The following ADAMTS6 variants were observed in gnomAD, a reference collection of about 807,000 sequenced individuals.
ADAMTS6 encodes the protein ADAM metallopeptidase with thrombospondin type 1 motif 6.
In ADAMTS6, 23 loss-of-function variants were observed where a neutral mutation model predicts 144.3. The observed-to-expected ratio is 0.16, with a 90% CI of 0.11 to 0.23. ADAMTS6 has a LOEUF of 0.23. Among genes scored for constraint, ADAMTS6 ranks in the 10% least tolerant of loss-of-function variants. ADAMTS6 has a pLI of 1.00. For synonymous variants in ADAMTS6, 444 were observed against 457.5 expected (o/e 0.97, Z 0.38); for missense variants, 999 against 1,379.6 (o/e 0.72, Z 4.37).
chr5:65,287,552 T>C (rs996733991), intron 11 of ADAMTS6, among the ~76,000 whole-genome samples: 1 of 152,158 alleles, frequency 6.6e-6, no homozygotes, highest in Non-Finnish European at 1.5e-5. Flanking sequence ...TTTTTTGAGA[T>C]GGAGTTTTGC....
chr5:65,340,523 T>A (rs1747720039), intron 7 of ADAMTS6, among the ~76,000 whole-genome samples: 1 of 151,394 alleles, frequency 6.6e-6, no homozygotes. Context: ...ATGGTAAAAG[T>A]AAACAATAAG....
intron 2 of ADAMTS6, among the ~76,000 whole-genome samples, chr5:65,471,418 C>T (rs999710099): frequency 6.6e-6 from 1 of 151,852 alleles, no homozygotes; most frequent in African/African-American, 2.4e-5. Context: ...CTAAATTCTA[C>T]AAGAAATATT....
At position 65,231,444 on chromosome 5, in the gene ADAMTS6, TA is replaced by T. The variant is rs376803377; in HGVS notation, c.1934-5226del. Reference sequence around the variant, plus strand: ...GCAATTCAATAGGAAGATACTTCAGTAGTCTACTTTCAACAATGGATAGATC... The same window carrying T: ...GCAATTCAATAGGAAGATACTTCAGTGTCTACTTTCAACAATGGATAGATC... On this transcript the variant is annotated intron_variant, in intron 15 of 24. Coordinates refer to ENST00000381055, the MANE Select transcript of ADAMTS6 (RefSeq NM_197941.4). Among the ~76,000 whole-genome samples, 291 of 152,268 alleles carry T rather than the reference TA, an allele frequency of 1.9e-3. 2 individuals are homozygous for T. The highest frequency in any genetic ancestry group is 6.7e-3 in the African/African-American group (277 of 41,570).
At position 65,298,250 on chromosome 5, in the gene ADAMTS6, T is replaced by C. The variant is rs180904483; in HGVS notation, c.1370+1735A>G. Among the ~76,000 whole-genome samples the C allele has an allele frequency of 3.3e-5, 5 of 152,024 alleles. No individual in the cohort carries two copies. The East Asian group carries it at 5.8e-4, about 18-fold the overall frequency. On this transcript the variant is annotated intron_variant, in intron 10 of 24. Transcript: ENST00000381055. ...GTACTAGCAAATGAGCTGTGCAATA[T>C]AGCCAATGGGACAGACACAAGATAA...
chr5:65,225,949 A>T (rs1757688359), intron 16 of ADAMTS6, 137 bp downstream of exon 16: 4 of 892,854 alleles, frequency 4.5e-6, no homozygotes, highest in Non-Finnish European at 6.3e-6. Flanking sequence ...ATATTTTATT[A>T]CTCTTAATGG....
chr5:65,412,310 C>G (rs1053576228), intron 7 of ADAMTS6, among the ~76,000 whole-genome samples: 3 of 152,036 alleles, frequency 2.0e-5, no homozygotes, highest in Admixed American at 1.3e-4. Flanking sequence ...CAAAGTCTCA[C>G]CTGTTCATAG....
chr5:65,214,656 C>G lies in ADAMTS6; in HGVS notation c.2575+138G>C. The G allele has an allele frequency of 8.0e-7, 1 of 1,245,034 alleles. No homozygotes were observed. The highest frequency in any genetic ancestry group is 1.3e-5 in the South Asian group (1 of 78,444). 77.1% of individuals were successfully genotyped at this position (1,245,034 alleles called of 1,614,324 possible). Reference sequence around the variant, plus strand: ...ATATAATATAATTAAAGCAAAGTTTCTTTTGCTAAATTACAGCTTGAAGCA... The same window carrying G: ...ATATAATATAATTAAAGCAAAGTTTGTTTTGCTAAATTACAGCTTGAAGCA... On this transcript the variant is annotated intron_variant, in intron 20 of 24. Transcript: ENST00000381055. This position sits in a 1 kb window ranked among gnomAD's most constrained non-coding sequence, Gnocchi z 4.6.
chr5:65,280,719 C>A (rs1361386445), intron 11 of ADAMTS6, among the ~76,000 whole-genome samples: 1 of 152,080 alleles, frequency 6.6e-6, no homozygotes, highest in East Asian at 1.9e-4. Flanking sequence ...TTTTATCTAG[C>A]ATTCTTGTTT....
At chr5:65,440,441 G>A (rs1457334720) in intron 7 of ADAMTS6, among the ~76,000 whole-genome samples, 2 of 152,098 alleles carry the variant, frequency 1.3e-5, no homozygotes, top group African/African-American at 2.4e-5. Flanking sequence ...GAAACAGAGT[G>A]GGGAAAACAA....
At chr5:65,345,580 A>G (rs1450611011) in intron 7 of ADAMTS6, among the ~76,000 whole-genome samples, 2 of 151,888 alleles carry the variant, frequency 1.3e-5, no homozygotes, top group Non-Finnish European at 3.0e-5. Context: ...AGACTGACAT[A>G]ATCTCTCAAC....
chr5:65,154,648 T>G (rs1752313030), intron 24 of ADAMTS6, among the ~76,000 whole-genome samples: 1 of 152,184 alleles, frequency 6.6e-6, no homozygotes, highest in South Asian at 2.1e-4. Context: ...TCTCAGATAC[T>G]TCATCTCCAA....
rs530237346 is a variant in ADAMTS6 at position 65,449,398 on chromosome 5, C to T, written c.1073+2077G>A. ...TTGGGAGGCCGAGGTGGGCGGATCA[C>T]GAGGTCAGGAGATGGAGACCATCCT... On this transcript the variant is annotated intron_variant, in intron 7 of 24. Coordinates refer to ENST00000381055, the MANE Select transcript of ADAMTS6 (RefSeq NM_197941.4). Among the ~76,000 whole-genome samples the T allele has an allele frequency of 5.9e-5, 9 of 152,150 alleles. No individual in the cohort carries two copies. In the South Asian group the frequency reaches 1.0e-3, roughly 18 times the overall value.
At chr5:65,293,294 T>A (rs1742500768) in intron 10 of ADAMTS6, among the ~76,000 whole-genome samples, 1 of 151,478 alleles carries the variant, frequency 6.6e-6, no homozygotes, top group African/African-American at 2.4e-5. Flanking sequence ...AAATAACAAG[T>A]TAAGTACTAC....
rs563512424 is a variant in ADAMTS6, at chr5:65,315,267, TTA to T, written c.1223+14109_1223+14110del. 1.2e-3 allele frequency among the ~76,000 whole-genome samples: 181 copies of T among 151,970 alleles called. 1 individual carries two copies. The highest frequency in any genetic ancestry group is 4.2e-3 in the African/African-American group (176 of 41,536). On this transcript the variant is annotated intron_variant, in intron 9 of 24. Coordinates refer to ENST00000381055, the MANE Select transcript of ADAMTS6 (RefSeq NM_197941.4). ...AGGCAGACTTAGATTAGTTAGAAAT[TTA>T]TATATATGTACACATTAAATATATT...
At chr5:65,422,490 C>T (rs1430305679) in intron 7 of ADAMTS6, among the ~76,000 whole-genome samples, 2 of 152,090 alleles carry the variant, frequency 1.3e-5, no homozygotes, top group African/African-American at 4.8e-5. Context: ...GGTGTGGTGG[C>T]GCATGCCTGT....
At chr5:65,455,585 T>C (rs1301812146) in intron 4 of ADAMTS6, among the ~76,000 whole-genome samples, 1 of 151,876 alleles carries the variant, frequency 6.6e-6, no homozygotes, top group Admixed American at 6.6e-5. Context: ...GTAAAATATT[T>C]CAAATATTTT....
intron 7 of ADAMTS6, among the ~76,000 whole-genome samples, chr5:65,422,679 CT>C (rs1756170501): frequency 6.6e-6 from 1 of 151,612 alleles, no homozygotes; most frequent in Admixed American, 6.6e-5. Context: ...AAAGGGAACA[CT>C]TATACATTAC....
intron 9 of ADAMTS6, among the ~76,000 whole-genome samples, chr5:65,307,872 G>C (rs544679380): frequency 6.6e-6 from 1 of 152,288 alleles, no homozygotes; most frequent in South Asian, 2.1e-4. Flanking sequence ...GTCCTGGCCA[G>C]TACTTCATTT....
At chr5:65,433,241 T>C (rs762116901) in intron 7 of ADAMTS6, among the ~76,000 whole-genome samples, 4 of 152,124 alleles carry the variant, frequency 2.6e-5, no homozygotes, top group Non-Finnish European at 5.9e-5. Flanking sequence ...ACCTAGTATG[T>C]GACTAACACA....
Sources: gnomAD v4.1 joint callset for allele counts (sites outside exome capture counted in the v4.1 genomes callset) on GRCh38, gnomAD v4.1.1 for gene constraint, Gnocchi (gnomAD v3.1) non-coding constraint, MANE v1.5 for transcripts, NCBI Gene and HGNC (gene_info 2026-07-23, HGNC 2026-07-21) for gene names.